DPYSL3: variants seen among roughly 807,000 people sequenced by gnomAD.
DPYSL3 encodes the protein dihydropyrimidinase like 3, also known as dihydropyrimidinase-related protein 3.
DPYSL3 carries 16 observed loss-of-function variants against 66.1 expected under a neutral mutation model. That is an observed-to-expected ratio of 0.24 (90% CI 0.16 to 0.37). DPYSL3 has a LOEUF of 0.37. Ranked by LOEUF, DPYSL3 falls within the 10% of genes least tolerant of loss-of-function variation. The pLI is 1.00. For synonymous variants in DPYSL3, 338 were observed against 345.1 expected, an observed-to-expected ratio of 0.98 and a Z score of 0.23; for missense variants, 738 against 916.2, an observed-to-expected ratio of 0.81 and a Z score of 2.51.
At chr5:147,445,456 T>C (rs1752613515) in intron 1 of DPYSL3, among the ~76,000 whole-genome samples, 1 of 152,224 alleles carries the variant, frequency 6.6e-6, no homozygotes, top group Non-Finnish European at 1.5e-5. Context: ...GGTGATCTTC[T>C]CTCTTGAAAT....
At chr5:147,500,434 T>C (rs991833411) in intron 1 of DPYSL3, among the ~76,000 whole-genome samples, 4 of 151,826 alleles carry the variant, frequency 2.6e-5, no homozygotes, top group Admixed American at 1.3e-4. Context: ...GCCAACATGG[T>C]GAAATCGCAT....
At chr5:147,426,192 G>C (rs939590120) in intron 1 of DPYSL3, among the ~76,000 whole-genome samples, 1 of 152,148 alleles carries the variant, frequency 6.6e-6, no homozygotes, top group African/African-American at 2.4e-5. Context: ...TTGTTTAGAG[G>C]CTGGAAAATG....
At chr5:147,496,915 A>G (rs1753524832) in intron 1 of DPYSL3, among the ~76,000 whole-genome samples, 1 of 152,168 alleles carries the variant, frequency 6.6e-6, no homozygotes, top group South Asian at 2.1e-4. Context: ...TACCCAAAGG[A>G]CTATAAATCA....
rs201787615 is a variant in DPYSL3, at chr5:147,415,770, C to A, written c.759G>T (p.Val253=). ...GKSCCDYALH[V]DITHWNDSVK... ...CGCTGTCATTCCAGTGGGTGATGTCCACATGCAGGGCATAGTCACAGCAAC... is the reference window on the plus strand; with the variant it reads ...CGCTGTCATTCCAGTGGGTGATGTCAACATGCAGGGCATAGTCACAGCAAC... Residue 253 remains valine (V), a synonymous_variant, in exon 4 of 14, where the codon GTG becomes GTT. Transcript: ENST00000343218. The A allele has an allele frequency of 2.0e-5, 33 of 1,613,926 alleles. No homozygotes were observed. Among genetic ancestry groups the A allele is most frequent in the Non-Finnish European group, 2.6e-5 (31 of 1,179,998 alleles).
chr5:147,401,608 T>C lies in DPYSL3; in HGVS notation c.1242A>G (p.Ala414=). 6.2e-7 allele frequency: 1 copy of C among 1,614,070 alleles called. No individual in the cohort carries two copies. The highest frequency in any genetic ancestry group is 8.5e-7 in the Non-Finnish European group (1 of 1,180,020). ...YWSKNWAKAA[A]FVTSPPLSPD... is the part of the protein sequence containing the mutation. Reference sequence around the variant, plus strand: ...GGCTCAGGGGTGGGGATGTCACAAATGCAGCCGCCTTGGCCCAGTTCTTGC... The same window carrying C: ...GGCTCAGGGGTGGGGATGTCACAAACGCAGCCGCCTTGGCCCAGTTCTTGC... The change falls in exon 9 of 14, where the codon GCA becomes GCG. Residue 414 remains alanine (A), a synonymous_variant. Transcript: ENST00000343218.
At chr5:147,499,352 G>T (rs780267178) in intron 1 of DPYSL3, among the ~76,000 whole-genome samples, 3 of 152,062 alleles carry the variant, frequency 2.0e-5, no homozygotes, top group Non-Finnish European at 4.4e-5. Context: ...CTATATACTA[G>T]CACTGAACAA....
At chr5:147,407,897 G>T (rs1751741645) in intron 7 of DPYSL3, among the ~76,000 whole-genome samples, 1 of 152,116 alleles carries the variant, frequency 6.6e-6, no homozygotes. Flanking sequence ...CTAGCTAAGT[G>T]TATCTGGTTT....
intron 1 of DPYSL3, among the ~76,000 whole-genome samples, chr5:147,471,082 A>C (rs1753080062): frequency 6.6e-6 from 1 of 152,140 alleles, no homozygotes. Context: ...AATACATATA[A>C]ACATGCATAT....
At chr5:147,400,889 G>A in intron 9 of DPYSL3, 56 bp from the exon 10 acceptor site, 1 of 1,587,142 alleles carries the variant, frequency 6.3e-7, no homozygotes. Flanking sequence ...GGCACACTGG[G>A]AGCTTAGAGT....
rs1751951409 is a variant in DPYSL3, at chr5:147,415,739, G to C, written c.790C>G (p.Gln264Glu). 6.2e-7 allele frequency: 1 copy of C among 1,613,960 alleles called. No individual in the cohort carries two copies. The highest frequency in any genetic ancestry group is 1.3e-5 in the African/African-American group (1 of 74,922). The change falls in exon 4 of 14, where the codon CAG (glutamine) becomes GAG (glutamate). Residue 264 changes from glutamine to glutamate, a missense_variant. By Grantham distance (29) the Gln-to-Glu change is conservative. Coordinates refer to ENST00000343218, the MANE Select transcript of DPYSL3 (RefSeq NM_001197294.2). ...TCCTTGATGAGGTTCTGCACTTCCT[G>C]CTTGACGCTGTCATTCCAGTGGGTG... ...DITHWNDSVK[Q>E]EVQNLIKDKG...
Position 147,408,723 on chromosome 5 carries a change from C to G in DPYSL3, c.1032+5G>C. The G allele has an allele frequency of 6.2e-7, 1 of 1,614,060 alleles. No homozygotes were observed. Among genetic ancestry groups the G allele is most frequent in the Non-Finnish European group, 8.5e-7 (1 of 1,179,922 alleles). On this transcript the variant is annotated splice_donor_5th_base_variant and intron_variant, in intron 7 of 13. Transcript: ENST00000343218. ...GTGTGTGCACCTTCATCCCCTGTAA[C>G]TTACCTCTTCTGGCCTGCTCAGTAC...
rs1344571206 is a variant in DPYSL3 at position 147,415,774 on chromosome 5, T to A, written c.755A>T (p.His252Leu). The A allele has an allele frequency of 2.5e-6, 4 of 1,613,992 alleles. No individual in the cohort carries two copies. The African/African-American group carries it at 4.0e-5, about 16-fold the overall frequency. ...GTCATTCCAGTGGGTGATGTCCACA[T>A]GCAGGGCATAGTCACAGCAACTCTT... ...DGKSCCDYAL[H>L]VDITHWNDSV... is the part of the protein sequence containing the mutation. Residue 252 changes from histidine (H) to leucine (L), a missense_variant, in exon 4 of 14, where the codon CAT becomes CTT. By Grantham distance (99) the His-to-Leu change is moderately conservative. Coordinates refer to ENST00000343218, the MANE Select transcript of DPYSL3 (RefSeq NM_001197294.2).
chr5:147,480,292 A>G (rs1753216389), intron 1 of DPYSL3, among the ~76,000 whole-genome samples: 2 of 152,196 alleles, frequency 1.3e-5, no homozygotes, highest in South Asian at 4.2e-4. Flanking sequence ...TCAGGTAGAG[A>G]TCCCTCCTCC....
At chr5:147,475,204 T>C (rs565653687) in intron 1 of DPYSL3, among the ~76,000 whole-genome samples, 1 of 152,030 alleles carries the variant, frequency 6.6e-6, no homozygotes, top group Admixed American at 6.6e-5. Flanking sequence ...ACCCCAAATA[T>C]CCTTCAAAAA....
At chr5:147,495,738 G>C (rs906614726) in intron 1 of DPYSL3, among the ~76,000 whole-genome samples, 5 of 152,156 alleles carry the variant, frequency 3.3e-5, no homozygotes, top group Non-Finnish European at 7.3e-5. Context: ...ACTGCTCAAT[G>C]AAATAAAAGA....
Position 147,462,300 on chromosome 5 carries a change from A to G in DPYSL3, c.382-37337T>C, listed in dbSNP as rs138041229. Among the ~76,000 whole-genome samples the G allele has an allele frequency of 3.4e-4, 52 of 152,282 alleles. No individual in the cohort carries two copies. In the South Asian group the frequency reaches 7.0e-3, roughly 21 times the overall value. On this transcript the variant is annotated intron_variant, in intron 1 of 13. Coordinates refer to ENST00000343218, the MANE Select transcript of DPYSL3 (RefSeq NM_001197294.2). ...ACAATCTTGACTTAAGGCTATGTTA[A>G]TTATCCTTTCCTCCACCATAATATA...
chr5:147,405,468 C>T, intron 8 of DPYSL3, 142 bp downstream of exon 8: 1 of 1,170,248 alleles, frequency 8.5e-7, no homozygotes, highest in Non-Finnish European at 1.1e-6. Context: ...ATCCTCCCAT[C>T]CACACAGGAT....
intron 1 of DPYSL3, among the ~76,000 whole-genome samples, chr5:147,508,781 A>T (rs1173204001): frequency 6.6e-6 from 1 of 152,254 alleles, no homozygotes; most frequent in African/African-American, 2.4e-5. Context: ...TTTCTAAAAT[A>T]TAATGCTATT....
At chr5:147,484,883 A>T (rs1445960225) in intron 1 of DPYSL3, among the ~76,000 whole-genome samples, 1 of 152,228 alleles carries the variant, frequency 6.6e-6, no homozygotes, top group East Asian at 1.9e-4. Flanking sequence ...GTCAGCATCC[A>T]TTAATAGTTT....
Sources: gnomAD v4.1 joint callset for allele counts (sites outside exome capture counted in the v4.1 genomes callset) on GRCh38, gnomAD v4.1.1 for gene constraint, MANE v1.5 for transcripts, NCBI Gene and HGNC (gene_info 2026-07-23, HGNC 2026-07-21) for gene names.